The following TAS2R1 variants were observed in gnomAD, a reference collection of about 807,000 sequenced individuals.
The protein encoded by TAS2R1 is taste receptor type 2 member 1.
For missense variants in TAS2R1, 370 were observed against 353.4 expected, an observed-to-expected ratio of 1.05 and a Z score of -0.38; for synonymous variants, 141 against 134.2, an observed-to-expected ratio of 1.05 and a Z score of -0.35.
chr5:9,650,527 T>C (rs1351317394), intron 2 of TAS2R1, among the ~76,000 whole-genome samples: 2 of 152,194 alleles, frequency 1.3e-5, no homozygotes, highest in African/African-American at 2.4e-5. Flanking sequence ...TTGGGCTTTG[T>C]TGGACACAGC....
At chr5:9,844,629 G>A in the TAS2R1 span, among the ~76,000 whole-genome samples, 3 of 152,058 alleles carry the variant, frequency 2.0e-5, no homozygotes, top group Non-Finnish European at 4.4e-5. Flanking sequence ...TCCCCTCCTA[G>A]ACTATAAGCT....
At chr5:9,847,808 G>C in the TAS2R1 span, among the ~76,000 whole-genome samples, 1 of 152,234 alleles carries the variant, frequency 6.6e-6, no homozygotes, top group African/African-American at 2.4e-5. Flanking sequence ...GCCACACTAA[G>C]AGTAGCTGGG....
upstream of TAS2R1, among the ~76,000 whole-genome samples, chr5:9,634,889 GAAC>G (rs1479439848): frequency 2.0e-5 from 3 of 151,772 alleles, no homozygotes; most frequent in Admixed American, 6.6e-5. Context: ...TATTACTGGT[GAAC>G]AACAACAGTT....
the TAS2R1 span, chr5:9,765,514 C>T: frequency 6.9e-4 from 105 of 151,814 alleles, no homozygotes; most frequent in Admixed American, 3.5e-3. Context: ...AAAAAATCCA[C>T]GAAACTTCAT....
At chr5:9,867,430 G>C in the TAS2R1 span, among the ~76,000 whole-genome samples, 1 of 152,168 alleles carries the variant, frequency 6.6e-6, no homozygotes, top group African/African-American at 2.4e-5. Flanking sequence ...GTCTTAAATG[G>C]TGGCAGGAAA....
the TAS2R1 span, among the ~76,000 whole-genome samples, chr5:9,750,864 G>C: frequency 6.6e-5 from 10 of 151,986 alleles, no homozygotes; most frequent in Admixed American, 6.6e-4. Flanking sequence ...ATATTGATTG[G>C]ATGTATCCTC....
At chr5:9,725,842 A>G in the TAS2R1 span, among the ~76,000 whole-genome samples, 1 of 139,626 alleles carries the variant, frequency 7.2e-6, no homozygotes, top group Non-Finnish European at 1.5e-5. Context: ...AGGGATTATA[A>G]ATACACCAAT....
the TAS2R1 span, among the ~76,000 whole-genome samples, chr5:9,869,888 T>A: frequency 3.3e-5 from 5 of 152,260 alleles, no homozygotes; most frequent in African/African-American, 1.2e-4. Context: ...TCTTTGGGAT[T>A]TCTCAAGATA....
rs548207403 is a variant in TAS2R1 at position 9,650,581 on chromosome 5, C to T, written c.-81+8840G>A. ...ACCTGGTGGTGTGCACATATGCTGT[C>T]CGTGAAGTCTGAAGTCTAACATACT... On this transcript the variant is annotated intron_variant, in intron 2 of 2. Transcript: ENST00000506620. Among the ~76,000 whole-genome samples, 3 of 152,284 alleles carry T rather than the reference C, an allele frequency of 2.0e-5. No homozygotes were observed. The East Asian group carries it at 5.8e-4, about 29-fold the overall frequency.
At chr5:9,844,890 C>G in the TAS2R1 span, among the ~76,000 whole-genome samples, 1 of 152,170 alleles carries the variant, frequency 6.6e-6, no homozygotes, top group Non-Finnish European at 1.5e-5. Context: ...TGAGGTCTGA[C>G]CATGATATTT....
chr5:9,683,123 CTTGT>C (rs1197892559), intron 1 of TAS2R1, among the ~76,000 whole-genome samples: 1 of 151,976 alleles, frequency 6.6e-6, no homozygotes, highest in Non-Finnish European at 1.5e-5. Context: ...TACTACAAAA[CTTGT>C]TTTTTTCCTG....
chr5:9,702,099 T>G (rs577023559), intron 1 of TAS2R1, among the ~76,000 whole-genome samples: 1 of 152,318 alleles, frequency 6.6e-6, no homozygotes, highest in East Asian at 1.9e-4. Context: ...GTCAGTCAGT[T>G]TAAAGGCTCT....
At chr5:9,689,515 AAT>A (rs568452699) in intron 1 of TAS2R1, among the ~76,000 whole-genome samples, 4 of 151,896 alleles carry the variant, frequency 2.6e-5, no homozygotes, top group Non-Finnish European at 2.9e-5. Flanking sequence ...TATCCATTTA[AAT>A]ATATATATAT....
At chr5:9,761,598 C>T in the TAS2R1 span, among the ~76,000 whole-genome samples, 1 of 152,176 alleles carries the variant, frequency 6.6e-6, no homozygotes, top group Non-Finnish European at 1.5e-5. Flanking sequence ...TTCCATTTGT[C>T]ATTTTCTCTA....
chr5:9,900,870 G>A, the TAS2R1 span, among the ~76,000 whole-genome samples: 11 of 152,042 alleles, frequency 7.2e-5, no homozygotes, highest in African/African-American at 2.4e-4. Context: ...TGATCCGCCC[G>A]CCTCGGCCTC....
the TAS2R1 span, among the ~76,000 whole-genome samples, chr5:9,748,485 G>C: frequency 2.0e-5 from 3 of 152,134 alleles, no homozygotes; most frequent in Non-Finnish European, 4.4e-5. Context: ...TTTGGCTCAT[G>C]ATTCTGGTGA....
chr5:9,633,283 GTGTGTGTATAT>G (rs200564295), upstream of TAS2R1, among the ~76,000 whole-genome samples: 33 of 98,204 alleles, frequency 3.4e-4, no homozygotes, highest in East Asian at 4.2e-3. Flanking sequence ...GTGTGTGTGT[GTGTGTGTATAT>G]TATATATATA....
intron 1 of TAS2R1, among the ~76,000 whole-genome samples, chr5:9,674,046 A>G (rs944760940): frequency 1.3e-5 from 2 of 152,212 alleles, no homozygotes; most frequent in Non-Finnish European, 2.9e-5. Context: ...ACAAATCATG[A>G]CATCAGCAAT....
chr5:9,873,753 C>T, the TAS2R1 span, among the ~76,000 whole-genome samples: 22 of 151,544 alleles, frequency 1.5e-4, no homozygotes, highest in African/African-American at 2.9e-4. Context: ...CTTGTAGTCC[C>T]GGCTACTCAG....
Sources: gnomAD v4.1 joint callset for allele counts (sites outside exome capture counted in the v4.1 genomes callset) on GRCh38, gnomAD v4.1.1 for gene constraint, MANE v1.5 for transcripts, NCBI Gene and HGNC (gene_info 2026-07-23, HGNC 2026-07-21) for gene names.